Variants in DGKB observed in about 807,000 individuals in gnomAD.
The protein encoded by DGKB is diacylglycerol kinase beta.
Under a neutral mutation model 114.3 loss-of-function variants are expected in DGKB, and 67 were observed. That is an observed-to-expected ratio of 0.59 (90% confidence interval 0.48 to 0.72). The LOEUF is 0.72. Ranked by LOEUF, DGKB falls within the 30% of genes least tolerant of loss-of-function variation. DGKB has a pLI of 0.00. For synonymous variants in DGKB, 398 were observed against 323.1 expected (o/e 1.23, Z -2.49); for missense variants, 907 against 975.2 (o/e 0.93, Z 0.93).
intron 25 of DGKB, chr7:14,176,306 T>TC (rs1346682440): frequency 1.0e-6 from 1 of 971,076 alleles, no homozygotes; most frequent in African/African-American, 1.9e-5. Context: ...GATTTTTTTT[T>TC]GAGAGGGGCA....
chr7:14,726,343 T>C (rs527384247), intron 5 of DGKB, among the ~76,000 whole-genome samples: 1 of 152,142 alleles, frequency 6.6e-6, no homozygotes, highest in African/African-American at 2.4e-5. Flanking sequence ...TTTTTTTATG[T>C]TGGCCAGGCT....
At chr7:14,689,072 G>C (rs1008191891) in intron 9 of DGKB, among the ~76,000 whole-genome samples, 1 of 151,618 alleles carries the variant, frequency 6.6e-6, no homozygotes, top group African/African-American at 2.4e-5. Flanking sequence ...TATATAGAGA[G>C]AGAGAGGAGC....
At chr7:14,476,032 T>A (rs1351630227) in intron 21 of DGKB, among the ~76,000 whole-genome samples, 4 of 152,034 alleles carry the variant, frequency 2.6e-5, no homozygotes, top group African/African-American at 9.7e-5. Flanking sequence ...TTTAATGAAC[T>A]TTTTTATGTT....
intron 21 of DGKB, among the ~76,000 whole-genome samples, chr7:14,438,735 G>A (rs1313454579): frequency 6.6e-6 from 1 of 152,078 alleles, no homozygotes; most frequent in Non-Finnish European, 1.5e-5. Flanking sequence ...AGCAATCTTA[G>A]TAAGTGTTGG....
chr7:14,511,546 C>T (rs1174470132), intron 20 of DGKB, among the ~76,000 whole-genome samples: 4 of 152,186 alleles, frequency 2.6e-5, no homozygotes, highest in Admixed American at 2.6e-4. Flanking sequence ...CTAAAACTTG[C>T]TCCATATCAG....
chr7:14,630,139 G>C, intron 14 of DGKB, 97 bp downstream of exon 14: 1 of 678,192 alleles, frequency 1.5e-6, no homozygotes. Flanking sequence ...GCTGGTATTC[G>C]AATGTCACTG....
intron 4 of DGKB, among the ~76,000 whole-genome samples, chr7:14,737,080 C>T (rs1465739804): frequency 6.6e-6 from 1 of 152,072 alleles, no homozygotes; most frequent in Admixed American, 6.5e-5. Context: ...TTTTGGACTG[C>T]AGGAACAATG....
chr7:14,564,182 C>T (rs1317861941), intron 20 of DGKB, among the ~76,000 whole-genome samples: 2 of 152,202 alleles, frequency 1.3e-5, no homozygotes, highest in Admixed American at 6.5e-5. Flanking sequence ...AAGCCACTGC[C>T]TGTATTCTCC....
chr7:14,602,846 A>G (rs1342166775), intron 17 of DGKB, among the ~76,000 whole-genome samples: 1 of 152,230 alleles, frequency 6.6e-6, no homozygotes, highest in African/African-American at 2.4e-5. Flanking sequence ...TCAAATGGCC[A>G]ATTCAGAACA....
intron 20 of DGKB, among the ~76,000 whole-genome samples, chr7:14,501,904 T>C (rs28610054): frequency 3.9e-4 from 59 of 152,090 alleles, no homozygotes; most frequent in African/African-American, 1.4e-3. Flanking sequence ...TAATGGGGTC[T>C]GGACTTCGAA....
chr7:14,187,027 A>C (rs1783549309), intron 23 of DGKB, among the ~76,000 whole-genome samples: 1 of 152,188 alleles, frequency 6.6e-6, no homozygotes, highest in Non-Finnish European at 1.5e-5. Flanking sequence ...AAAATAAATA[A>C]ATAAATAAAT....
Position 14,274,608 on chromosome 7 carries a change from A to C in DGKB, c.2122+63907T>G, listed in dbSNP as rs537208542. 5.3e-5 allele frequency among the ~76,000 whole-genome samples: 8 copies of C among 152,298 alleles called. No individual in the cohort carries two copies. In the South Asian group the frequency reaches 1.7e-3, roughly 32 times the overall value. On this transcript the variant is annotated intron_variant, in intron 23 of 25. Transcript: ENST00000402815. ...AATGTCATAGACTGAATGACATAAC[A>C]ATAAAATATTCATCTCTTACAGTTT...
At chr7:14,689,024 C>T (rs1822229232) in intron 9 of DGKB, among the ~76,000 whole-genome samples, 1 of 151,908 alleles carries the variant, frequency 6.6e-6, no homozygotes, top group Non-Finnish European at 1.5e-5. Context: ...CCACATGCTT[C>T]TCTCCCCACA....
At chr7:14,362,281 T>C (rs564895567) in intron 21 of DGKB, among the ~76,000 whole-genome samples, 3 of 152,146 alleles carry the variant, frequency 2.0e-5, no homozygotes, top group Non-Finnish European at 2.9e-5. Flanking sequence ...GAACAACATA[T>C]GCGAGCAGGA....
chr7:14,903,652 T>A (rs900287853), upstream of DGKB, among the ~76,000 whole-genome samples: 2 of 152,098 alleles, frequency 1.3e-5, no homozygotes, highest in African/African-American at 4.8e-5. Flanking sequence ...TCGGAGCAGG[T>A]GACTGGAGGA....
chr7:14,546,403 G>A (rs17168255), intron 20 of DGKB, among the ~76,000 whole-genome samples: 5,885 of 152,080 alleles, frequency 0.039, 203 homozygotes, highest in East Asian at 0.2. Context: ...CTTCTTTCGC[G>A]TGACTGTAAC....
chr7:14,784,198 T>C (rs891069918), intron 2 of DGKB, among the ~76,000 whole-genome samples: 2 of 152,106 alleles, frequency 1.3e-5, no homozygotes, highest in Admixed American at 1.3e-4. Context: ...GCTGAAGCTC[T>C]TTTTTGTTCT....
intron 5 of DGKB, among the ~76,000 whole-genome samples, chr7:14,733,199 C>T (rs1035321255): frequency 1.3e-5 from 2 of 152,008 alleles, no homozygotes; most frequent in Admixed American, 6.5e-5. Context: ...ACAGCAAGTG[C>T]GGTGAGGCCT....
chr7:14,609,989 T>A (rs947128207), intron 16 of DGKB, among the ~76,000 whole-genome samples: 1 of 151,946 alleles, frequency 6.6e-6, no homozygotes, highest in Non-Finnish European at 1.5e-5. Flanking sequence ...TTCAAACAGA[T>A]CTACCATTCA....
Sources: allele counts gnomAD v4.1 joint callset (sites outside exome capture counted in the v4.1 genomes callset), GRCh38; gene constraint gnomAD v4.1.1; transcripts MANE v1.5; gene names NCBI Gene and HGNC (gene_info 2026-07-23, HGNC 2026-07-21).